CDK14: variants seen among roughly 807,000 people sequenced by gnomAD.
The protein encoded by CDK14 is cyclin dependent kinase 14, also known as cyclin-dependent kinase 14.
A neutral mutation model predicts 60.7 loss-of-function variants in CDK14; 34 were observed. That is an observed-to-expected ratio of 0.56 (90% CI 0.43 to 0.75). CDK14 has a LOEUF of 0.75. Ranked by LOEUF, CDK14 falls within the 30% of genes least tolerant of loss-of-function variation. The pLI is 0.00. For missense variants in CDK14, 482 were observed against 564.1 expected, an observed-to-expected ratio of 0.85 and a Z score of 1.47; for synonymous variants, 197 against 203.7, an observed-to-expected ratio of 0.97 and a Z score of 0.28.
chr7:91,174,418 A>G (rs921854807), intron 14 of CDK14, among the ~76,000 whole-genome samples: 6 of 151,162 alleles, frequency 4.0e-5, no homozygotes, highest in African/African-American at 1.5e-4. Context: ...CTCCAAAGGA[A>G]CACAGTTCCT....
At chr7:91,134,492 A>C (rs1800211978) in intron 14 of CDK14, among the ~76,000 whole-genome samples, 1 of 152,186 alleles carries the variant, frequency 6.6e-6, no homozygotes, top group Non-Finnish European at 1.5e-5. Context: ...AGGGGTAGAA[A>C]GACTGGGAAG....
chr7:90,735,764 G>A (rs1348014773), intron 3 of CDK14, among the ~76,000 whole-genome samples: 1 of 152,212 alleles, frequency 6.6e-6, no homozygotes, highest in Non-Finnish European at 1.5e-5. Context: ...GCTGGGCACC[G>A]TGGAGGTGGG....
At chr7:90,759,495 A>C (rs1804228983) in intron 4 of CDK14, among the ~76,000 whole-genome samples, 1 of 152,208 alleles carries the variant, frequency 6.6e-6, no homozygotes, top group Non-Finnish European at 1.5e-5. Flanking sequence ...TTGCTTATGC[A>C]AGGGCACCCA....
intron 14 of CDK14, among the ~76,000 whole-genome samples, chr7:91,170,165 TATG>T (rs1801472764): frequency 6.6e-6 from 1 of 152,254 alleles, no homozygotes; most frequent in Non-Finnish European, 1.5e-5. Flanking sequence ...ATAGTGATGC[TATG>T]ATAAGTTGTT....
intron 14 of CDK14, among the ~76,000 whole-genome samples, chr7:91,133,838 A>G (rs1221871846): frequency 6.6e-6 from 1 of 152,130 alleles, no homozygotes; most frequent in East Asian, 1.9e-4. Flanking sequence ...TCCTCTGTAG[A>G]TCTATGTTGA....
chr7:90,815,635 T>G (rs950343507), intron 5 of CDK14, among the ~76,000 whole-genome samples: 9 of 152,314 alleles, frequency 5.9e-5, no homozygotes, highest in African/African-American at 2.2e-4. Flanking sequence ...TATTGTGGCA[T>G]TATTCACAAT....
intron 10 of CDK14, among the ~76,000 whole-genome samples, chr7:91,020,957 C>G (rs1796417286): frequency 6.6e-6 from 1 of 152,122 alleles, no homozygotes; most frequent in African/African-American, 2.4e-5. Context: ...GAACTGATGT[C>G]CCTAATTTCT....
chr7:90,649,310 TTCC>T lies in CDK14; in HGVS notation c.123+45063_123+45065del, dbSNP rs1279599846. 2.7e-3 allele frequency among the ~76,000 whole-genome samples: 101 copies of T among 36,864 alleles called. 3 individuals carry two copies. Among genetic ancestry groups the T allele is most frequent in the African/African-American group, 0.014 (95 of 6,744 alleles). 24.2% of individuals were successfully genotyped at this position (36,864 alleles called of 152,430 possible). Reference sequence around the variant, plus strand: ...TTTCTTTCTTTCTTTCTTTCTTTCTTTCCTTCCTTCCTTCCTTCCTTCCTTCCT... The same window carrying T: ...TTTCTTTCTTTCTTTCTTTCTTTCTTTTCCTTCCTTCCTTCCTTCCTTCCT... On this transcript the variant is annotated intron_variant, in intron 2 of 14. Coordinates refer to ENST00000380050, the MANE Select transcript of CDK14 (RefSeq NM_001287135.2).
intron 2 of CDK14, among the ~76,000 whole-genome samples, chr7:90,683,110 C>G (rs1224335232): frequency 6.6e-6 from 1 of 152,106 alleles, no homozygotes; most frequent in African/African-American, 2.4e-5. Flanking sequence ...AATATTTCCC[C>G]TAGAGTTAGC....
intron 4 of CDK14, among the ~76,000 whole-genome samples, chr7:90,789,552 T>G (rs895107614): frequency 6.6e-6 from 1 of 152,036 alleles, no homozygotes; most frequent in Non-Finnish European, 1.5e-5. Context: ...ATAACAACTA[T>G]TTACATAGTG....
At chr7:90,978,706 A>G (rs1795144537) in intron 9 of CDK14, among the ~76,000 whole-genome samples, 1 of 152,106 alleles carries the variant, frequency 6.6e-6, no homozygotes, top group African/African-American at 2.4e-5. Context: ...ATTTTCTCCT[A>G]ATTTATTTCT....
At chr7:90,649,351 TCCTTCCTTCCTTC>T (rs1800559814) in intron 2 of CDK14, among the ~76,000 whole-genome samples, 1 of 54,062 alleles carries the variant, frequency 1.8e-5, no homozygotes, top group Non-Finnish European at 3.1e-5. Flanking sequence ...CTTCCTTCCT[TCCTTCCTTCCTTC>T]CTTTCCTTCC....
At chr7:90,781,622 G>A (rs1314218979) in intron 4 of CDK14, among the ~76,000 whole-genome samples, 1 of 150,848 alleles carries the variant, frequency 6.6e-6, no homozygotes, top group East Asian at 2.0e-4. Context: ...TCCAGTTTCA[G>A]CTTTCTACAT....
At chr7:90,889,341 A>G (rs1792044443) in intron 6 of CDK14, among the ~76,000 whole-genome samples, 1 of 152,182 alleles carries the variant, frequency 6.6e-6, no homozygotes, top group Non-Finnish European at 1.5e-5. Context: ...CAGAAGCCAA[A>G]TAGTAAGTTT....
At chr7:90,790,752 A>G (rs1805799237) in intron 5 of CDK14, 100 bp downstream of exon 5, 2 of 675,278 alleles carry the variant, frequency 3.0e-6, no homozygotes, top group Non-Finnish European at 5.0e-6. Flanking sequence ...TTAAAATTAC[A>G]GGATTGTATC....
intron 4 of CDK14, among the ~76,000 whole-genome samples, chr7:90,787,205 G>A (rs940696779): frequency 6.6e-6 from 1 of 152,122 alleles, no homozygotes; most frequent in African/African-American, 2.4e-5. Flanking sequence ...TGAAGCAGTC[G>A]TAGAAAAGGG....
chr7:90,965,353 G>T (rs1324980969), intron 9 of CDK14, among the ~76,000 whole-genome samples: 2 of 152,132 alleles, frequency 1.3e-5, no homozygotes, highest in Non-Finnish European at 2.9e-5. Flanking sequence ...CAAGTGAGAG[G>T]AGAGAGTGAC....
At chr7:90,637,250 C>T (rs1269279421) in intron 2 of CDK14, among the ~76,000 whole-genome samples, 1 of 150,644 alleles carries the variant, frequency 6.6e-6, no homozygotes, top group African/African-American at 2.4e-5. Context: ...TGGATCTTTC[C>T]TGCTTTCTCT....
At chr7:91,169,325 G>A (rs1013405989) in intron 14 of CDK14, among the ~76,000 whole-genome samples, 3 of 152,158 alleles carry the variant, frequency 2.0e-5, no homozygotes, top group Admixed American at 6.5e-5. Context: ...AGAGCAGCTG[G>A]GCTGCCCTTT....
Sources: allele counts gnomAD v4.1 joint callset (sites outside exome capture counted in the v4.1 genomes callset), GRCh38; gene constraint gnomAD v4.1.1; transcripts MANE v1.5; gene names NCBI Gene and HGNC (gene_info 2026-07-23, HGNC 2026-07-21).